The following ZMIZ1 variants were observed in gnomAD, a reference collection of about 807,000 sequenced individuals.
The protein encoded by ZMIZ1 is zinc finger MIZ domain-containing protein 1.
A neutral mutation model predicts 113.9 loss-of-function variants in ZMIZ1; 17 were observed. That is an observed-to-expected ratio of 0.15 (90% CI 0.10 to 0.22). The LOEUF is 0.22. ZMIZ1 is among the 10% of genes least tolerant of loss of function. The pLI is 1.00. For missense variants in ZMIZ1, 1,059 were observed against 1,477.8 expected (o/e 0.72, Z 4.65); for synonymous variants, 607 against 603.1 (o/e 1.01, Z -0.09).
chr10:79,082,847 G>T (rs930930525), intron 1 of ZMIZ1, among the ~76,000 whole-genome samples: 22 of 152,196 alleles, frequency 1.4e-4, no homozygotes, highest in Non-Finnish European at 2.9e-5. Flanking sequence ...GGTCCTGCTG[G>T]TGGGGCCTCG....
chr10:79,284,399 A>AGAAAAAT (rs1176458909), intron 8 of ZMIZ1, among the ~76,000 whole-genome samples: 1 of 152,204 alleles, frequency 6.6e-6, no homozygotes, highest in African/African-American at 2.4e-5. Flanking sequence ...GGAAGGCAGA[A>AGAAAAAT]GAAAAATGAA....
intron 7 of ZMIZ1, among the ~76,000 whole-genome samples, chr10:79,219,042 G>T (rs990675750): frequency 6.6e-6 from 1 of 152,020 alleles, no homozygotes; most frequent in African/African-American, 2.4e-5. Flanking sequence ...TGCACGGGGG[G>T]TGGGGGGACG....
chr10:79,218,603 G>GTTGTC (rs1554818335), intron 7 of ZMIZ1, among the ~76,000 whole-genome samples: 1 of 151,730 alleles, frequency 6.6e-6, no homozygotes, highest in African/African-American at 2.4e-5. Flanking sequence ...GTGTGTGTGT[G>GTTGTC]TGTCTGTCTG....
At chr10:79,125,279 TGCTCAGTGACACAGTGGGATCAGAGAG>T (rs1844468217) in intron 2 of ZMIZ1, among the ~76,000 whole-genome samples, 1 of 152,210 alleles carries the variant, frequency 6.6e-6, no homozygotes, top group Non-Finnish European at 1.5e-5. Context: ...GGGCAGGCGT[TGCTCAGTGACACAGTGGGATCAGAGAG>T]GCTCAGAGAC....
At chr10:79,078,404 G>A (rs1430013751) in intron 1 of ZMIZ1, among the ~76,000 whole-genome samples, 1 of 151,862 alleles carries the variant, frequency 6.6e-6, no homozygotes, top group Non-Finnish European at 1.5e-5. Flanking sequence ...ATCTCTTCCC[G>A]AAGTGGCTTC....
chr10:79,176,370 T>C (rs946949987), intron 4 of ZMIZ1, among the ~76,000 whole-genome samples: 1 of 152,022 alleles, frequency 6.6e-6, no homozygotes. Context: ...AGACTGGGTG[T>C]CTGCGTCATG....
intron 7 of ZMIZ1, among the ~76,000 whole-genome samples, chr10:79,249,510 A>T (rs1411779398): frequency 6.6e-6 from 1 of 152,204 alleles, no homozygotes. Flanking sequence ...TGTCTGTGTG[A>T]TGTGAGGGGT....
chr10:79,260,438 G>A (rs931925461), intron 7 of ZMIZ1, among the ~76,000 whole-genome samples: 6 of 152,164 alleles, frequency 3.9e-5, no homozygotes, highest in African/African-American at 1.4e-4. Context: ...GCATGAGGAT[G>A]AGGGGGTGAG....
intron 10 of ZMIZ1, among the ~76,000 whole-genome samples, chr10:79,291,675 G>A (rs1308219903): frequency 4.6e-5 from 7 of 152,218 alleles, no homozygotes; most frequent in African/African-American, 1.7e-4. Flanking sequence ...CTGGGGAGTG[G>A]TGTGAGGCGA....
intron 1 of ZMIZ1, among the ~76,000 whole-genome samples, chr10:79,094,890 A>AGT (rs1473059205): frequency 6.6e-6 from 1 of 151,972 alleles, no homozygotes; most frequent in Non-Finnish European, 1.5e-5. Context: ...TCGAGGCTGT[A>AGT]GTGAGCCACA....
chr10:79,150,287 C>G (rs376219145), intron 3 of ZMIZ1, among the ~76,000 whole-genome samples: 1 of 152,250 alleles, frequency 6.6e-6, no homozygotes, highest in South Asian at 2.1e-4. Flanking sequence ...GGCACTTCTC[C>G]TATTTCCCAT....
At chr10:79,312,311 C>A (rs1270220528) in intron 24 of ZMIZ1, among the ~76,000 whole-genome samples, 5 of 152,262 alleles carry the variant, frequency 3.3e-5, no homozygotes, top group African/African-American at 1.2e-4. Flanking sequence ...AGCTGGGAGG[C>A]CCAAGTGACC....
At position 79,069,513 on chromosome 10, in the gene ZMIZ1, C is replaced by G. The variant is rs1391560434; in HGVS notation, c.-337+243C>G. On this transcript the variant is annotated intron_variant, in intron 1 of 24. Transcript: ENST00000334512. The surrounding 1 kb of genome is among the most constrained non-coding windows in gnomAD (Gnocchi z 4.6). Reference sequence around the variant, plus strand: ...GCCGGCTTGGGCTGCGCGTGGGGGCCGGGTTTGTCAGGGTGTGCGGGGCGT... The same window carrying G: ...GCCGGCTTGGGCTGCGCGTGGGGGCGGGGTTTGTCAGGGTGTGCGGGGCGT... Among the ~76,000 whole-genome samples, 1 of 151,656 alleles carries G rather than the reference C, an allele frequency of 6.6e-6. No individual in the cohort carries two copies. Among genetic ancestry groups the G allele is most frequent in the Non-Finnish European group, 1.5e-5 (1 of 67,866 alleles).
chr10:79,109,397 C>T (rs1333500229), intron 1 of ZMIZ1, among the ~76,000 whole-genome samples: 4 of 152,224 alleles, frequency 2.6e-5, no homozygotes, highest in African/African-American at 9.7e-5. Flanking sequence ...GGGCTGCCCC[C>T]GCCTGATCAT....
At chr10:79,084,726 C>G (rs1028109638) in intron 1 of ZMIZ1, among the ~76,000 whole-genome samples, 7 of 152,160 alleles carry the variant, frequency 4.6e-5, no homozygotes, top group Admixed American at 2.6e-4. Context: ...ATTTTGTTGA[C>G]CTCTCTCCAA....
chr10:79,314,306 C>T lies in ZMIZ1; in HGVS notation c.*1557C>T, dbSNP rs1855399305. 1 of 454,090 alleles carries T rather than the reference C, an allele frequency of 2.2e-6. No individual in the cohort carries two copies. Among genetic ancestry groups the T allele is most frequent in the South Asian group, 1.6e-5 (1 of 64,506 alleles). The allele number at this position is 454,090 out of a possible 1,614,324, so 28.1% of individuals were successfully genotyped here. On this transcript the variant is annotated 3_prime_UTR_variant, in exon 25 of 25. Transcript: ENST00000334512. ...GGTCCCATCTGTAAATTCTTTGCGCCCTTCCCGGCTGCTGCCTGGGGCCCT... is the reference window on the plus strand; with the variant it reads ...GGTCCCATCTGTAAATTCTTTGCGCTCTTCCCGGCTGCTGCCTGGGGCCCT...
intron 2 of ZMIZ1, among the ~76,000 whole-genome samples, chr10:79,130,216 T>C (rs947736281): frequency 2.0e-5 from 3 of 152,168 alleles, no homozygotes; most frequent in Non-Finnish European, 4.4e-5. Flanking sequence ...GCTTCCCCCA[T>C]CACCTTGCAT....
chr10:79,311,146 G>T lies in ZMIZ1; in HGVS notation c.3058G>T (p.Ala1020Ser), dbSNP rs374759693. 29 of 1,613,448 alleles carry T rather than the reference G, an allele frequency of 1.8e-5. No homozygotes were observed. The African/African-American group carries it at 3.6e-4, about 20-fold the overall frequency. Residue 1020 changes from alanine to serine, a missense_variant, in exon 24 of 25, where the codon GCG becomes TCG. Coordinates refer to ENST00000334512, the MANE Select transcript of ZMIZ1 (RefSeq NM_020338.4). ...PSSALEGQAG[A>S]QGASDMPEPS... ...CTCAGCCTTAGAGGGTCAGGCCGGA[G>T]CGCAGGGAGCGTCCGACATGCCGGA...
At chr10:79,076,958 C>T (rs1842495578) in intron 1 of ZMIZ1, among the ~76,000 whole-genome samples, 1 of 152,198 alleles carries the variant, frequency 6.6e-6, no homozygotes, top group Admixed American at 6.5e-5. Context: ...TCCCCTCCAG[C>T]CAGCCCTCCA....
Sources: gnomAD v4.1 joint callset for allele counts (sites outside exome capture counted in the v4.1 genomes callset) on GRCh38, gnomAD v4.1.1 for gene constraint, Gnocchi (gnomAD v3.1) non-coding constraint, MANE v1.5 for transcripts, NCBI Gene and HGNC (gene_info 2026-07-23, HGNC 2026-07-21) for gene names.